Variants in DNAJC1 observed in about 807,000 individuals in gnomAD.
DNAJC1 encodes the protein dnaJ homolog subfamily C member 1.
Under a neutral mutation model 76.6 loss-of-function variants are expected in DNAJC1, and 58 were observed. The observed-to-expected ratio is 0.76, with a 90% CI of 0.61 to 0.94. The LOEUF (loss-of-function observed/expected upper bound fraction) is 0.94, where lower values mean the gene tolerates loss of function less well. Among genes scored for constraint, DNAJC1 ranks in the 40% least tolerant of loss-of-function variants. The pLI is 0.00. For synonymous variants in DNAJC1, 258 were observed against 267.9 expected, an observed-to-expected ratio of 0.96 and a Z score of 0.36; for missense variants, 689 against 677.3, an observed-to-expected ratio of 1.02 and a Z score of -0.19.
At chr10:21,953,207 A>G (rs187893565) in intron 1 of DNAJC1, among the ~76,000 whole-genome samples, 15 of 152,218 alleles carry the variant, frequency 9.9e-5, no homozygotes, top group Admixed American at 8.5e-4. Flanking sequence ...AGTAATAGTT[A>G]TGTTCTCTTG....
At chr10:21,855,864 G>A (rs1835826521) in intron 8 of DNAJC1, among the ~76,000 whole-genome samples, 1 of 142,894 alleles carries the variant, frequency 7.0e-6, no homozygotes, top group African/African-American at 2.6e-5. Context: ...TAGGTTTCAA[G>A]TCATTTTGCT....
intron 8 of DNAJC1, among the ~76,000 whole-genome samples, chr10:21,867,890 G>A (rs1836031614): frequency 6.6e-6 from 1 of 151,640 alleles, no homozygotes; most frequent in Admixed American, 6.6e-5. Context: ...TGGCCAACAT[G>A]GTGAAACCCT....
intron 1 of DNAJC1, among the ~76,000 whole-genome samples, chr10:21,935,933 C>CT (rs1254795009): frequency 2.6e-5 from 4 of 152,094 alleles, no homozygotes; most frequent in African/African-American, 9.7e-5. Context: ...AGTAGATATG[C>CT]TTTATAAGAA....
chr10:21,950,923 G>T (rs1188447079), intron 1 of DNAJC1, among the ~76,000 whole-genome samples: 3 of 152,188 alleles, frequency 2.0e-5, no homozygotes, highest in African/African-American at 7.2e-5. Flanking sequence ...GGATCACGAG[G>T]CTTAAGGAAA....
intron 11 of DNAJC1, among the ~76,000 whole-genome samples, chr10:21,757,000 C>T (rs563716586): frequency 2.6e-5 from 4 of 152,304 alleles, no homozygotes; most frequent in Non-Finnish European, 4.4e-5. Flanking sequence ...CTGGGGCGGC[C>T]GTTTGTGAGG....
chr10:21,908,222 TAATA>T (rs1351075267), intron 6 of DNAJC1, among the ~76,000 whole-genome samples: 1 of 72,054 alleles, frequency 1.4e-5, no homozygotes, highest in Non-Finnish European at 2.4e-5. Context: ...ATATTATATA[TAATA>T]TATATAAAAT....
intron 1 of DNAJC1, among the ~76,000 whole-genome samples, chr10:21,986,043 G>A (rs1034615221): frequency 3.3e-5 from 5 of 152,136 alleles, no homozygotes; most frequent in East Asian, 3.8e-4. Context: ...CTAGCTAACA[G>A]GGTGAAACGC....
At chr10:21,927,720 T>G (rs1045738648) in intron 3 of DNAJC1, among the ~76,000 whole-genome samples, 1 of 152,218 alleles carries the variant, frequency 6.6e-6, no homozygotes, top group African/African-American at 2.4e-5. Context: ...TGTGTGTGCG[T>G]ATGTGTTGTG....
intron 1 of DNAJC1, among the ~76,000 whole-genome samples, chr10:21,936,042 G>T (rs542145950): frequency 1.3e-5 from 2 of 152,270 alleles, no homozygotes; most frequent in Admixed American, 1.3e-4. Context: ...TAATGCTGTG[G>T]TCTGAATGTT....
intron 8 of DNAJC1, among the ~76,000 whole-genome samples, chr10:21,863,088 C>T (rs1428261722): frequency 6.6e-6 from 1 of 152,000 alleles, no homozygotes; most frequent in South Asian, 2.1e-4. Context: ...GCCGAGATCG[C>T]GCCATTGCAC....
chr10:21,758,008 C>T (rs915659092), intron 11 of DNAJC1, among the ~76,000 whole-genome samples: 4 of 152,286 alleles, frequency 2.6e-5, no homozygotes, highest in Middle Eastern at 3.4e-3. Flanking sequence ...TAGAGAAATT[C>T]GGGTAGAATA....
At chr10:21,888,136 G>T (rs1406842624) in intron 7 of DNAJC1, among the ~76,000 whole-genome samples, 1 of 151,994 alleles carries the variant, frequency 6.6e-6, no homozygotes, top group Non-Finnish European at 1.5e-5. Context: ...ATGAAAAAAA[G>T]CTCCATATCA....
intron 8 of DNAJC1, among the ~76,000 whole-genome samples, chr10:21,827,043 T>C (rs995265883): frequency 1.3e-4 from 20 of 152,288 alleles, no homozygotes; most frequent in African/African-American, 2.9e-4. Flanking sequence ...CTGGGTAGTA[T>C]TGTCATTTTA....
chr10:21,846,099 T>G (rs993811038), intron 8 of DNAJC1, among the ~76,000 whole-genome samples: 1 of 152,192 alleles, frequency 6.6e-6, no homozygotes, highest in African/African-American at 2.4e-5. Flanking sequence ...TGGGGTCAAA[T>G]AAACCTCCTC....
intron 10 of DNAJC1, among the ~76,000 whole-genome samples, chr10:21,762,434 T>A (rs1834252608): frequency 6.6e-6 from 1 of 152,190 alleles, no homozygotes; most frequent in Non-Finnish European, 1.5e-5. Context: ...GCACCTAACT[T>A]TGAATGGCCA....
At chr10:21,927,293 G>A (rs12414376) in intron 3 of DNAJC1, among the ~76,000 whole-genome samples, 1 of 152,106 alleles carries the variant, frequency 6.6e-6, no homozygotes, top group Non-Finnish European at 1.5e-5. Flanking sequence ...CAAATTAAAC[G>A]GTTAAGATGA....
chr10:21,831,475 T>C (rs1430008151), intron 8 of DNAJC1, among the ~76,000 whole-genome samples: 1 of 152,232 alleles, frequency 6.6e-6, no homozygotes. Context: ...TGATTACTTT[T>C]GTTGTTACTG....
chr10:21,978,615 T>C (rs777133219), intron 1 of DNAJC1, among the ~76,000 whole-genome samples: 47 of 152,100 alleles, frequency 3.1e-4, no homozygotes, highest in Non-Finnish European at 4.9e-4. Flanking sequence ...GAATCCTACA[T>C]TTCTGTCAAA....
At chr10:21,886,114 A>C (rs1028521316) in intron 7 of DNAJC1, among the ~76,000 whole-genome samples, 1 of 152,042 alleles carries the variant, frequency 6.6e-6, no homozygotes, top group Non-Finnish European at 1.5e-5. Flanking sequence ...AGAAAACCCC[A>C]AAAACCACAA....
Sources: allele counts gnomAD v4.1 joint callset (sites outside exome capture counted in the v4.1 genomes callset), GRCh38; gene constraint gnomAD v4.1.1; transcripts MANE v1.5; gene names NCBI Gene and HGNC (gene_info 2026-07-23, HGNC 2026-07-21).